NPFFR2: variants seen among roughly 807,000 people sequenced by gnomAD.
NPFFR2 encodes the protein neuropeptide FF receptor 2.
NPFFR2 carries 15 observed loss-of-function variants against 13.1 expected under a neutral mutation model. The ratio of observed to expected loss-of-function variants is 1.15; its 90% CI spans 0.77 to 1.76. The LOEUF is 1.76. NPFFR2 is among the 40% of genes most tolerant of loss of function. The pLI, the probability that NPFFR2 is intolerant of heterozygous loss-of-function variation, is 0.00. For synonymous variants in NPFFR2, 190 were observed against 175.7 expected, an observed-to-expected ratio of 1.08 and a Z score of -0.65; for missense variants, 572 against 503.5, an observed-to-expected ratio of 1.14 and a Z score of -1.30.
At chr4:72,050,397 G>A (rs1343792187) in intron 1 of NPFFR2, among the ~76,000 whole-genome samples, 1 of 151,954 alleles carries the variant, frequency 6.6e-6, no homozygotes, top group Non-Finnish European at 1.5e-5. Context: ...GTGATGGGAA[G>A]GGGGGTTGTA....
intron 1 of NPFFR2, among the ~76,000 whole-genome samples, chr4:72,102,504 C>G (rs1721282520): frequency 6.6e-6 from 1 of 151,142 alleles, no homozygotes; most frequent in African/African-American, 2.4e-5. Flanking sequence ...TTAGGTATAT[C>G]TCCTAATGCT....
chr4:72,035,793 G>A (rs1719026203), intron 1 of NPFFR2, among the ~76,000 whole-genome samples: 1 of 152,184 alleles, frequency 6.6e-6, no homozygotes, highest in Non-Finnish European at 1.5e-5. Context: ...GTTTTCAAAT[G>A]TTATGAAAGT....
At chr4:72,037,648 C>T (rs990569934) in intron 1 of NPFFR2, among the ~76,000 whole-genome samples, 1 of 152,178 alleles carries the variant, frequency 6.6e-6, no homozygotes, top group Non-Finnish European at 1.5e-5. Flanking sequence ...TGGAATTCCT[C>T]ATCCTCCACA....
intron 1 of NPFFR2, among the ~76,000 whole-genome samples, chr4:72,102,971 A>C (rs956895825): frequency 3.3e-5 from 5 of 152,204 alleles, no homozygotes; most frequent in Non-Finnish European, 4.4e-5. Context: ...TGGTTGAACT[A>C]GTTTACAGTC....
intron 1 of NPFFR2, among the ~76,000 whole-genome samples, chr4:72,095,736 C>T (rs144922468): frequency 2.0e-5 from 3 of 152,272 alleles, no homozygotes; most frequent in South Asian, 2.1e-4. Context: ...ACTTTCTGTG[C>T]AGCTCTCACC....
intron 1 of NPFFR2, among the ~76,000 whole-genome samples, chr4:72,121,714 CA>C (rs1400938419): frequency 6.6e-6 from 1 of 152,154 alleles, no homozygotes; most frequent in East Asian, 1.9e-4. Flanking sequence ...GAGATTTTGT[CA>C]CCACCAGGCC....
chr4:72,144,947 T>C (rs2109850122), intron 3 of NPFFR2, among the ~76,000 whole-genome samples: 1 of 152,336 alleles, frequency 6.6e-6, no homozygotes, highest in South Asian at 2.1e-4. Flanking sequence ...ACCTCCAATT[T>C]ATTTTCTTCT....
intron 1 of NPFFR2, among the ~76,000 whole-genome samples, chr4:72,123,175 T>A (rs768080845): frequency 4.6e-5 from 7 of 152,136 alleles, no homozygotes; most frequent in Non-Finnish European, 1.0e-4. Context: ...AAGAAATGGA[T>A]ACATTCCTGG....
intron 1 of NPFFR2, among the ~76,000 whole-genome samples, chr4:72,065,183 T>G (rs774947478): frequency 6.6e-6 from 1 of 151,644 alleles, no homozygotes; most frequent in Non-Finnish European, 1.5e-5. Flanking sequence ...ATTAAAAAAC[T>G]TCATTAAAAA....
chr4:72,109,712 G>T (rs1721510192), intron 1 of NPFFR2, among the ~76,000 whole-genome samples: 1 of 151,788 alleles, frequency 6.6e-6, no homozygotes, highest in African/African-American at 2.4e-5. Context: ...TGTTGTTGTT[G>T]TTGTTGTTGT....
chr4:72,131,548 T>A (rs556094882), intron 2 of NPFFR2, among the ~76,000 whole-genome samples: 10 of 152,020 alleles, frequency 6.6e-5, no homozygotes, highest in African/African-American at 2.2e-4. Flanking sequence ...TATACATATG[T>A]AACTAACCTG....
chr4:72,060,482 G>T lies in NPFFR2; in HGVS notation c.-8+28282G>T, dbSNP rs558618719. 1.1e-4 allele frequency among the ~76,000 whole-genome samples: 16 copies of T among 152,098 alleles called. No individual in the cohort carries two copies. The South Asian group carries it at 3.1e-3, about 30-fold the overall frequency. On this transcript the variant is annotated intron_variant, in intron 1 of 3. Coordinates refer to ENST00000308744, the MANE Select transcript of NPFFR2 (RefSeq NM_004885.3). ...TTTGGTAAAATAGAAAGTTCTCTGG[G>T]CCCTCCTAGTGATACAATGAAGAGG...
At chr4:72,046,112 C>T (rs1420767734) in intron 1 of NPFFR2, among the ~76,000 whole-genome samples, 2 of 152,110 alleles carry the variant, frequency 1.3e-5, no homozygotes, top group African/African-American at 4.8e-5. Context: ...AAATAGCTGC[C>T]ATGACTTGGT....
intron 1 of NPFFR2, among the ~76,000 whole-genome samples, chr4:72,058,038 G>A (rs1719804110): frequency 6.6e-6 from 1 of 151,958 alleles, no homozygotes; most frequent in South Asian, 2.1e-4. Context: ...GTTAAAAATT[G>A]TACTAGAAAA....
chr4:72,032,611 C>T (rs769755099), intron 1 of NPFFR2, among the ~76,000 whole-genome samples: 2 of 152,214 alleles, frequency 1.3e-5, no homozygotes, highest in African/African-American at 4.8e-5. Context: ...GTATCTGAGG[C>T]TTCATCTTGT....
chr4:72,139,833 A>G (rs1021069384), intron 3 of NPFFR2, among the ~76,000 whole-genome samples: 1 of 152,184 alleles, frequency 6.6e-6, no homozygotes, highest in Non-Finnish European at 1.5e-5. Flanking sequence ...CATTGAATCT[A>G]TAAATTACCT....
intron 1 of NPFFR2, among the ~76,000 whole-genome samples, chr4:72,121,434 C>G (rs1374095596): frequency 6.6e-6 from 1 of 151,910 alleles, no homozygotes; most frequent in Non-Finnish European, 1.5e-5. Context: ...AGAGAAACAC[C>G]AAGAAACATA....
intron 1 of NPFFR2, among the ~76,000 whole-genome samples, chr4:72,102,315 T>C (rs899922600): frequency 1.3e-5 from 2 of 152,088 alleles, no homozygotes; most frequent in African/African-American, 4.8e-5. Context: ...TGGGAAAGTA[T>C]ACTAAAAAAT....
At chr4:72,061,072 T>C (rs1164703287) in intron 1 of NPFFR2, among the ~76,000 whole-genome samples, 2 of 152,156 alleles carry the variant, frequency 1.3e-5, no homozygotes, top group African/African-American at 2.4e-5. Flanking sequence ...CAGGGAAAGC[T>C]GCTGCTGGCT....
Sources: gnomAD v4.1 joint callset for allele counts (sites outside exome capture counted in the v4.1 genomes callset) on GRCh38, gnomAD v4.1.1 for gene constraint, MANE v1.5 for transcripts, NCBI Gene and HGNC (gene_info 2026-07-23, HGNC 2026-07-21) for gene names.